RBM20: variants seen among roughly 807,000 people sequenced by gnomAD.
RBM20 encodes the protein RNA binding motif protein 20.
A neutral mutation model predicts 110.1 loss-of-function variants in RBM20; 51 were observed. The observed-to-expected ratio is 0.46, with a 90% CI of 0.37 to 0.59. RBM20 has a LOEUF of 0.59. RBM20 is among the 20% of genes least tolerant of loss of function. The pLI, the probability that RBM20 is intolerant of heterozygous loss-of-function variation, is 0.00. For synonymous variants in RBM20, 589 were observed against 618.2 expected (o/e 0.95, Z 0.70); for missense variants, 1,512 against 1,574.9 (o/e 0.96, Z 0.68).
At chr10:110,791,318 A>C (rs1283770405) in intron 5 of RBM20, among the ~76,000 whole-genome samples, 1 of 152,258 alleles carries the variant, frequency 6.6e-6, no homozygotes, top group Non-Finnish European at 1.5e-5. Context: ...ACATTAGATC[A>C]CATCTGAGAC....
In RBM20 at chr10:110,781,515, G is replaced by A. The variant is rs1379882102; in HGVS notation, c.906G>A (p.Gly302=). ...GCGGATTTCCAGCTGAGCAGGCTGG[G>A]GGCCTGAAAAGTGAGGTCGGGCCAC... ...VASGFPAEQA[G]GLKSEVGPLL... is the part of the protein sequence containing the mutation. Residue 302 remains glycine (G), a synonymous_variant, in exon 2 of 14, where the codon GGG becomes GGA. Transcript: ENST00000369519. 1 of 1,551,544 alleles carries A rather than the reference G, an allele frequency of 6.4e-7. No homozygotes were observed. Among genetic ancestry groups the A allele is most frequent in the Non-Finnish European group, 8.7e-7 (1 of 1,147,002 alleles).
intron 5 of RBM20, among the ~76,000 whole-genome samples, chr10:110,793,353 A>AG (rs1248976445): frequency 6.6e-6 from 1 of 152,216 alleles, no homozygotes; most frequent in Admixed American, 6.5e-5. Flanking sequence ...TATCTGCCAA[A>AG]GTACTTGTAT....
At chr10:110,705,293 A>AT (rs144268616) in intron 1 of RBM20, among the ~76,000 whole-genome samples, 3 of 152,056 alleles carry the variant, frequency 2.0e-5, no homozygotes, top group African/African-American at 7.2e-5. Context: ...AATTTTCTTG[A>AT]TTTTTTTCTT....
At chr10:110,764,954 A>T (rs539179605) in intron 1 of RBM20, among the ~76,000 whole-genome samples, 1 of 152,114 alleles carries the variant, frequency 6.6e-6, no homozygotes, top group African/African-American at 2.4e-5. Flanking sequence ...GCATTTGTGC[A>T]TGAGTATGCG....
intron 1 of RBM20, among the ~76,000 whole-genome samples, chr10:110,652,351 A>G (rs1468964541): frequency 6.6e-6 from 1 of 152,260 alleles, no homozygotes; most frequent in East Asian, 1.9e-4. Flanking sequence ...GGGTGGGGCA[A>G]TTAGACTGGT....
chr10:110,701,914 G>T (rs1296747403), intron 1 of RBM20, among the ~76,000 whole-genome samples: 5 of 152,220 alleles, frequency 3.3e-5, no homozygotes, highest in African/African-American at 1.2e-4. Flanking sequence ...TTATCAGAGA[G>T]GGAGAGTGCC....
intron 1 of RBM20, among the ~76,000 whole-genome samples, chr10:110,760,212 C>A (rs1419752957): frequency 6.6e-6 from 1 of 152,172 alleles, no homozygotes; most frequent in Admixed American, 6.5e-5. Context: ...GAATCGGGTG[C>A]TTTGGCTTCA....
At chr10:110,834,869 C>T (rs1845103133) in intron 13 of RBM20, among the ~76,000 whole-genome samples, 1 of 152,196 alleles carries the variant, frequency 6.6e-6, no homozygotes, top group Non-Finnish European at 1.5e-5. Flanking sequence ...GTGTTGACTC[C>T]AGATAGCCCA....
At chr10:110,789,484 G>C (rs760548302) in intron 5 of RBM20, among the ~76,000 whole-genome samples, 1 of 150,974 alleles carries the variant, frequency 6.6e-6, no homozygotes, top group Non-Finnish European at 1.5e-5. Flanking sequence ...TCGAGACAGG[G>C]TCTCGCTGTG....
intron 2 of RBM20, among the ~76,000 whole-genome samples, chr10:110,783,054 TG>T (rs1312940966): frequency 8.7e-5 from 5 of 57,362 alleles, no homozygotes; most frequent in Middle Eastern, 5.7e-3. Context: ...GGGTGGGAGG[TG>T]GGAGGTAGGT....
intron 1 of RBM20, among the ~76,000 whole-genome samples, chr10:110,676,391 C>A (rs375489272): frequency 6.6e-6 from 1 of 151,914 alleles, no homozygotes; most frequent in South Asian, 2.1e-4. Context: ...AAACAATGCA[C>A]GAAACAATTA....
In RBM20 at chr10:110,697,519, G is replaced by T. The variant is rs139816092; in HGVS notation, c.191+52874G>T. ...GCCAAGAGCTGGGATACAGAGGTGT[G>T]CCCAGGCAGAGGGATTGAGGTATTG... On this transcript the variant is annotated intron_variant, in intron 1 of 13. Coordinates refer to ENST00000369519, the MANE Select transcript of RBM20 (RefSeq NM_001134363.3). Among the ~76,000 whole-genome samples the T allele has an allele frequency of 4.3e-3, 662 of 152,384 alleles. 3 individuals are homozygous for T. The highest frequency in any genetic ancestry group is 0.015 in the African/African-American group (616 of 41,588).
intron 1 of RBM20, among the ~76,000 whole-genome samples, chr10:110,695,117 G>A (rs1862642502): frequency 6.6e-6 from 1 of 152,212 alleles, no homozygotes; most frequent in Non-Finnish European, 1.5e-5. Flanking sequence ...GGCAGTGAGT[G>A]AGATGACATC....
intron 1 of RBM20, among the ~76,000 whole-genome samples, chr10:110,741,261 G>A (rs1590647728): frequency 6.6e-6 from 1 of 152,166 alleles, no homozygotes; most frequent in South Asian, 2.1e-4. Context: ...ATTTGTTAGG[G>A]TGGATACAGG....
chr10:110,768,073 T>C (rs1025246695), intron 1 of RBM20, among the ~76,000 whole-genome samples: 29 of 152,072 alleles, frequency 1.9e-4, no homozygotes, highest in African/African-American at 5.3e-4. Context: ...ACCAAAAAAA[T>C]ACGAAAACCA....
chr10:110,805,940 G>A (rs1844688870), intron 7 of RBM20, among the ~76,000 whole-genome samples: 1 of 152,148 alleles, frequency 6.6e-6, no homozygotes, highest in Admixed American at 6.5e-5. Flanking sequence ...AGGGTGGTGA[G>A]TACAGATGTG....
intron 1 of RBM20, among the ~76,000 whole-genome samples, chr10:110,659,376 A>T (rs1321606312): frequency 6.6e-6 from 1 of 152,232 alleles, no homozygotes; most frequent in Non-Finnish European, 1.5e-5. Flanking sequence ...ACATGGGTTA[A>T]AGGGGGACCA....
intron 5 of RBM20, among the ~76,000 whole-genome samples, chr10:110,789,350 C>T (rs547040234): frequency 5.1e-4 from 77 of 152,264 alleles, no homozygotes; most frequent in Non-Finnish European, 8.4e-4. Flanking sequence ...TGCATTTAAA[C>T]TTCTCCCACC....
Position 110,780,780 on chromosome 10 carries a change from T to C in RBM20, c.192-21T>C, listed in dbSNP as rs1438175576. 9 of 1,495,020 alleles carry C rather than the reference T, an allele frequency of 6.0e-6. No homozygotes were observed. The South Asian group carries it at 1.2e-4, about 20-fold the overall frequency. 92.6% of individuals were successfully genotyped at this position (1,495,020 alleles called of 1,614,324 possible). A position where few individuals can be genotyped will look rare whatever the true frequency, so the allele number is the denominator to read the frequency against. Reference sequence around the variant, plus strand: ...CCTCATTGAAAACCAGCTGTGCATCTAGACCTCTGTCTTCCCACAGTGCCG... The same window carrying C: ...CCTCATTGAAAACCAGCTGTGCATCCAGACCTCTGTCTTCCCACAGTGCCG... On this transcript the variant is annotated intron_variant, in intron 1 of 13. Transcript: ENST00000369519.
Sources: gnomAD v4.1 joint callset for allele counts (sites outside exome capture counted in the v4.1 genomes callset) on GRCh38, gnomAD v4.1.1 for gene constraint, MANE v1.5 for transcripts, NCBI Gene and HGNC (gene_info 2026-07-23, HGNC 2026-07-21) for gene names.